The following TBC1D19 variants were observed in gnomAD, a reference collection of about 807,000 sequenced individuals.
TBC1D19 encodes the protein TBC1 domain family member 19, also known as TBC1 domain family, member 19.
In TBC1D19, 60 loss-of-function variants were observed where a neutral mutation model predicts 89.0. The ratio of observed to expected loss-of-function variants is 0.67; its 90% CI spans 0.55 to 0.84. TBC1D19 has a LOEUF of 0.84. Among genes scored for constraint, TBC1D19 ranks in the 40% least tolerant of loss-of-function variants. TBC1D19 has a pLI of 0.00. For missense variants in TBC1D19, 500 were observed against 610.8 expected (o/e 0.82, Z 1.91); for synonymous variants, 189 against 199.7 (o/e 0.95, Z 0.45).
chr4:26,829,753 A>G, the TBC1D19 span, among the ~76,000 whole-genome samples: 3 of 152,258 alleles, frequency 2.0e-5, no homozygotes, highest in African/African-American at 7.2e-5. Flanking sequence ...TTACCTCATC[A>G]GGACTAAAAC....
Position 26,659,626 on chromosome 4 carries a change from T to G in TBC1D19, c.510T>G (p.Tyr170Ter). 1 of 1,590,554 alleles carries G rather than the reference T, an allele frequency of 6.3e-7. No individual in the cohort carries two copies. Among genetic ancestry groups the G allele is most frequent in the Non-Finnish European group, 8.6e-7 (1 of 1,163,912 alleles). The part of the protein sequence containing the change: ...EVLINLRNPN[Y>*]ENGDSLSFRT... ...TAATTAATCTTCGCAACCCAAATTA[T>G]GAAAACGGTGATTCTCTTAGTTTCA... The change falls in exon 8 of 21, where the codon TAT becomes TAG. Residue 170 changes from tyrosine (Y) to a stop codon, truncating the protein, a stop_gained. Coordinates refer to ENST00000264866, the MANE Select transcript of TBC1D19 (RefSeq NM_018317.4). LOFTEE classifies it high-confidence loss of function.
At chr4:26,818,038 G>T in the TBC1D19 span, among the ~76,000 whole-genome samples, 1 of 148,444 alleles carries the variant, frequency 6.7e-6, no homozygotes, top group African/African-American at 2.5e-5. Context: ...CAGTTCTCCA[G>T]CTGGGATACT....
At chr4:26,634,438 A>C (rs1273855968) in intron 4 of TBC1D19, among the ~76,000 whole-genome samples, 2 of 152,068 alleles carry the variant, frequency 1.3e-5, no homozygotes, top group African/African-American at 4.8e-5. Flanking sequence ...TCACATGGAG[A>C]TGATTAGCAT....
At chr4:26,804,092 C>CA in the TBC1D19 span, among the ~76,000 whole-genome samples, 3,421 of 138,670 alleles carry the variant, frequency 0.025, 63 homozygotes, top group African/African-American at 0.054. Context: ...GAAACAGAAA[C>CA]AAAAAAAAAA....
At chr4:26,661,761 G>A (rs907662871) in intron 8 of TBC1D19, among the ~76,000 whole-genome samples, 1 of 152,174 alleles carries the variant, frequency 6.6e-6, no homozygotes, top group Non-Finnish European at 1.5e-5. Flanking sequence ...CAGCATGACA[G>A]TATACTAGCA....
downstream of TBC1D19, among the ~76,000 whole-genome samples, chr4:26,758,440 T>G (rs534609615): frequency 3.3e-5 from 5 of 152,308 alleles, no homozygotes; most frequent in East Asian, 7.7e-4. Context: ...CTTCCCCATG[T>G]GCATCAGGTG....
chr4:26,672,319 C>A, intron 10 of TBC1D19, 132 bp downstream of exon 10: 2 of 683,776 alleles, frequency 2.9e-6, no homozygotes, highest in Non-Finnish European at 4.3e-6. Context: ...TAATATTTAA[C>A]CATGTAGATT....
intron 4 of TBC1D19, among the ~76,000 whole-genome samples, chr4:26,636,446 T>G (rs1743130006): frequency 7.1e-6 from 1 of 140,760 alleles, no homozygotes; most frequent in Admixed American, 7.5e-5. Context: ...TGACACATTC[T>G]AAGAGATAAC....
chr4:26,610,748 C>T (rs1422012026), intron 1 of TBC1D19, among the ~76,000 whole-genome samples: 1 of 151,856 alleles, frequency 6.6e-6, no homozygotes, highest in Non-Finnish European at 1.5e-5. Flanking sequence ...ATAATGGTCT[C>T]CAGCTTAATC....
chr4:26,604,898 AT>A (rs1172545550), intron 1 of TBC1D19, among the ~76,000 whole-genome samples: 7 of 151,930 alleles, frequency 4.6e-5, no homozygotes, highest in African/African-American at 1.7e-4. Flanking sequence ...AATAATAATA[AT>A]AATAATAAAA....
the TBC1D19 span, among the ~76,000 whole-genome samples, chr4:26,821,900 G>A: frequency 6.6e-6 from 1 of 152,230 alleles, no homozygotes; most frequent in Non-Finnish European, 1.5e-5. Flanking sequence ...GCTCTCCTGA[G>A]CCCTGGTGGC....
intron 7 of TBC1D19, among the ~76,000 whole-genome samples, chr4:26,645,982 G>A (rs375840326): frequency 1.3e-5 from 2 of 151,518 alleles, no homozygotes; most frequent in African/African-American, 4.8e-5. Context: ...AATTAGCCGG[G>A]CGTAGTGGCG....
chr4:26,781,302 G>T, the TBC1D19 span, among the ~76,000 whole-genome samples: 1 of 152,182 alleles, frequency 6.6e-6, no homozygotes, highest in Non-Finnish European at 1.5e-5. Context: ...TAGAGGTAAG[G>T]GGGGCTGGGT....
intron 7 of TBC1D19, among the ~76,000 whole-genome samples, chr4:26,656,065 T>G (rs1161112310): frequency 1.3e-5 from 2 of 152,154 alleles, no homozygotes; most frequent in African/African-American, 4.8e-5. Flanking sequence ...AGAGTTTTAC[T>G]TAAAAATATT....
At chr4:26,848,641 G>T in the TBC1D19 span, among the ~76,000 whole-genome samples, 2 of 152,144 alleles carry the variant, frequency 1.3e-5, no homozygotes, top group African/African-American at 4.8e-5. Flanking sequence ...CTCCCTGGCA[G>T]CCAAAAAATA....
chr4:26,605,687 C>T (rs1740950963), intron 1 of TBC1D19, among the ~76,000 whole-genome samples: 1 of 152,158 alleles, frequency 6.6e-6, no homozygotes, highest in Non-Finnish European at 1.5e-5. Context: ...AAAAGTGTTC[C>T]TATTTCTCCA....
chr4:26,782,784 A>G, the TBC1D19 span, among the ~76,000 whole-genome samples: 4 of 151,960 alleles, frequency 2.6e-5, no homozygotes, highest in Non-Finnish European at 5.9e-5. Context: ...AAGAAAACAG[A>G]GCATACTATA....
intron 1 of TBC1D19, among the ~76,000 whole-genome samples, chr4:26,586,123 C>A (rs1739396794): frequency 2.1e-5 from 1 of 47,678 alleles, no homozygotes; most frequent in Non-Finnish European, 6.6e-5. Flanking sequence ...AAGTGTGATC[C>A]ATTTTGTGAT....
In TBC1D19 at chr4:26,638,826, A is replaced by T; in HGVS notation, c.425A>T (p.Asp142Val). 2 of 1,608,428 alleles carry T rather than the reference A, an allele frequency of 1.2e-6. No homozygotes were observed. The highest frequency in any genetic ancestry group is 1.7e-6 in the Non-Finnish European group (2 of 1,177,860). ...AATAAATGGAATGAAATGGGAACTG[A>T]TGAACCAGGTATGTGAACAATTTTT... is the stretch of plus-strand genomic sequence containing the variant. ...LLNKWNEMGTDEPDLSLFRPV... is the reference protein window; with the variant it reads ...LLNKWNEMGTVEPDLSLFRPV... Residue 142 changes from aspartate (D) to valine (V), a missense_variant, in exon 6 of 21, where the codon GAT (aspartate) becomes GTT (valine). Around this residue, in one of 2 missense-constraint regions of TBC1D19, gnomAD observed 280 missense variants for 291.7 expected, o/e 0.96. Coordinates refer to ENST00000264866, the MANE Select transcript of TBC1D19 (RefSeq NM_018317.4).
Sources: allele counts gnomAD v4.1 joint callset (sites outside exome capture counted in the v4.1 genomes callset), GRCh38; gene constraint gnomAD v4.1.1; regional missense constraint gnomAD v4.1.1; transcripts MANE v1.5; gene names NCBI Gene and HGNC (gene_info 2026-07-23, HGNC 2026-07-21).